Variants in MINDY2 observed in about 807,000 individuals in gnomAD.
MINDY2 encodes MINDY lysine 48 deubiquitinase 2.
Under a neutral mutation model 68.2 loss-of-function variants are expected in MINDY2, and 52 were observed. The observed-to-expected ratio is 0.76, with a 90% confidence interval of 0.61 to 0.96. The LOEUF (loss-of-function observed/expected upper bound fraction) is 0.96, where lower values mean the gene tolerates loss of function less well. Ranked by LOEUF, MINDY2 falls within the 40% of genes least tolerant of loss-of-function variation. The probability of loss-of-function intolerance (pLI) is 0.00; values close to 1 mark genes in which losing one functional copy is unlikely to be tolerated. For missense variants in MINDY2, 881 were observed against 773.4 expected, an observed-to-expected ratio of 1.14 and a Z score of -1.65; for synonymous variants, 372 against 303.0, an observed-to-expected ratio of 1.23 and a Z score of -2.36.
chr15:58,837,672 T>G (rs569823462), intron 6 of MINDY2, among the ~76,000 whole-genome samples: 1 of 152,232 alleles, frequency 6.6e-6, no homozygotes, highest in Middle Eastern at 3.4e-3. Flanking sequence ...GGACATCTTA[T>G]GCATTCATAT....
At chr15:58,789,582 C>T (rs984489189) in intron 2 of MINDY2, among the ~76,000 whole-genome samples, 11 of 151,948 alleles carry the variant, frequency 7.2e-5, no homozygotes. Context: ...CTCAGCCTCC[C>T]GAGTAACTGG....
At chr15:58,774,090 A>G (rs543496787) in intron 1 of MINDY2, among the ~76,000 whole-genome samples, 2 of 152,284 alleles carry the variant, frequency 1.3e-5, no homozygotes, top group African/African-American at 4.8e-5. Context: ...GGTGTGGAGT[A>G]TTTGGGGATA....
At chr15:58,837,947 TGA>T (rs2032078480) in intron 6 of MINDY2, among the ~76,000 whole-genome samples, 1 of 124,786 alleles carries the variant, frequency 8.0e-6, no homozygotes, top group African/African-American at 3.2e-5. Context: ...CCAACCTGGA[TGA>T]CAGAGTAAGA....
chr15:58,790,016 C>T lies in MINDY2; in HGVS notation c.898+2053C>T, dbSNP rs142323296. 3.2e-3 allele frequency among the ~76,000 whole-genome samples: 489 copies of T among 151,230 alleles called. 2 individuals are homozygous for T. Among genetic ancestry groups the T allele is most frequent in the African/African-American group, 0.011 (464 of 41,232 alleles). On this transcript the variant is annotated intron_variant, in intron 2 of 8. Coordinates refer to ENST00000559228, the MANE Select transcript of MINDY2 (RefSeq NM_001040450.3). ...CTTGTCTTGAACTCCTGGGCTCAAG[C>T]GATCCTCCCACCTTGGCCTCCCAAA...
chr15:58,813,216 C>T (rs1043126379), intron 4 of MINDY2, among the ~76,000 whole-genome samples: 4 of 152,008 alleles, frequency 2.6e-5, no homozygotes, highest in East Asian at 1.9e-4. Context: ...GTTTTCCCGC[C>T]GGGCACGGTG....
chr15:58,849,349 C>T (rs1395059551), intron 7 of MINDY2, among the ~76,000 whole-genome samples: 2 of 151,328 alleles, frequency 1.3e-5, no homozygotes, highest in Non-Finnish European at 2.9e-5. Flanking sequence ...TAGAAAAATG[C>T]AAAAAATTAG....
chr15:58,772,626 C>A (rs578041309), intron 1 of MINDY2, among the ~76,000 whole-genome samples: 4 of 152,116 alleles, frequency 2.6e-5, no homozygotes, highest in Non-Finnish European at 5.9e-5. Context: ...ACCATCAATC[C>A]GTGATATCAT....
intron 5 of MINDY2, 85 bp from the exon 6 acceptor site, chr15:58,831,689 C>A: frequency 7.9e-7 from 1 of 1,267,266 alleles, no homozygotes; most frequent in Admixed American, 2.4e-5. Context: ...TTTTTCCATA[C>A]TTGGAACACA....
Position 58,771,415 on chromosome 15 carries a change from G to A in MINDY2, c.20G>A (p.Ser7Asn), listed in dbSNP as rs752096657. Residue 7 changes from serine to asparagine, a missense_variant, in exon 1 of 9, where the codon AGC becomes AAC. Ser to Asn is a conservative substitution (Grantham distance 46, BLOSUM62 1). Transcript: ENST00000559228. MESSPE[S>N]LQPLEHGVAA... The stretch of plus-strand genomic sequence containing the variant: ...CCCGGTATGGAGAGCAGCCCCGAGA[G>A]CCTGCAGCCGCTAGAACACGGGGTG... 1.9e-6 allele frequency: 3 copies of A among 1,610,922 alleles called. No individual in the cohort carries two copies. In the Admixed American group the frequency reaches 5.0e-5, roughly 27 times the overall value.
At chr15:58,791,664 G>GTGTGTGTGTGTA (rs1901946977) in intron 2 of MINDY2, among the ~76,000 whole-genome samples, 3 of 139,878 alleles carry the variant, frequency 2.1e-5, no homozygotes, top group African/African-American at 2.7e-5. Flanking sequence ...GTGTGTGTAT[G>GTGTGTGTGTGTA]TGTGTGTGTG....
chr15:58,795,920 G>C (rs1902252469), intron 2 of MINDY2, among the ~76,000 whole-genome samples: 1 of 152,144 alleles, frequency 6.6e-6, no homozygotes, highest in African/African-American at 2.4e-5. Context: ...GGCCAGTACA[G>C]AGTGGTAGAA....
chr15:58,814,643 C>T (rs2030552535), intron 4 of MINDY2, among the ~76,000 whole-genome samples: 1 of 151,848 alleles, frequency 6.6e-6, no homozygotes, highest in African/African-American at 2.4e-5. Flanking sequence ...AAGTGTGAGA[C>T]TACGGCTGTG....
At chr15:58,843,058 A>G (rs2032356964) in intron 6 of MINDY2, among the ~76,000 whole-genome samples, 1 of 152,228 alleles carries the variant, frequency 6.6e-6, no homozygotes, top group South Asian at 2.1e-4. Context: ...AGAAATGTAT[A>G]AATTTTCAAA....
At position 58,794,921 on chromosome 15, in the gene MINDY2, C is replaced by G. The variant is rs1902179270; in HGVS notation, c.898+6958C>G. 2.6e-5 allele frequency among the ~76,000 whole-genome samples: 4 copies of G among 151,970 alleles called. No individual in the cohort carries two copies. The South Asian group carries it at 8.3e-4, about 32-fold the overall frequency. ...GTGGAAGTTGGGCCGGGCGCAGTGG[C>G]TCACGGCTGTAATCTCAGTACTTTG... On this transcript the variant is annotated intron_variant, in intron 2 of 8. Transcript: ENST00000559228.
intron 1 of MINDY2, among the ~76,000 whole-genome samples, chr15:58,787,426 A>G (rs1901579244): frequency 6.6e-6 from 1 of 152,008 alleles, no homozygotes; most frequent in Non-Finnish European, 1.5e-5. Flanking sequence ...CAACCTAATA[A>G]ATAGAATAAT....
chr15:58,850,976 T>G (rs2032781714), intron 7 of MINDY2, among the ~76,000 whole-genome samples: 1 of 152,090 alleles, frequency 6.6e-6, no homozygotes, highest in South Asian at 2.1e-4. Context: ...TTCCCCCAAT[T>G]TTTTGTTTTT....
At position 58,847,282 on chromosome 15, in the gene MINDY2, T is replaced by C; in HGVS notation, c.1369-15T>C. On this transcript the variant is annotated splice_polypyrimidine_tract_variant and intron_variant, in intron 6 of 8. Transcript: ENST00000559228. ...CAATTTAACAGTCCTTTTTCTTTTG[T>C]TACTTCTTATTAAGGGTCAACTGTA... 1 of 1,532,378 alleles carries C rather than the reference T, an allele frequency of 6.5e-7. No homozygotes were observed. The highest frequency in any genetic ancestry group is 8.8e-7 in the Non-Finnish European group (1 of 1,130,770). The allele number at this position is 1,532,378 out of a possible 1,614,324, so 94.9% of individuals were successfully genotyped here. A position where few individuals can be genotyped will look rare whatever the true frequency, so the allele number is the denominator to read the frequency against.
In MINDY2 at chr15:58,816,701, A is replaced by G. The variant is rs139323881; in HGVS notation, c.1123-5016A>G. ...ATGGGGAAAGGCAATCCTTTAAACA[A>G]AAGGTTCTAAGACAATTAGGTAGAC... On this transcript the variant is annotated intron_variant, in intron 4 of 8. Transcript: ENST00000559228. Among the ~76,000 whole-genome samples, 761 of 152,350 alleles carry G rather than the reference A, an allele frequency of 5.0e-3. 8 individuals carry two copies. Among genetic ancestry groups the G allele is most frequent in the African/African-American group, 0.017 (727 of 41,588 alleles).
chr15:58,849,034 AC>A (rs1397795452), intron 7 of MINDY2, among the ~76,000 whole-genome samples: 1 of 152,002 alleles, frequency 6.6e-6, no homozygotes, highest in Non-Finnish European at 1.5e-5. Context: ...ACATGGCGAA[AC>A]CCTGTCTCTA....
Sources: allele counts gnomAD v4.1 joint callset (sites outside exome capture counted in the v4.1 genomes callset), GRCh38; gene constraint gnomAD v4.1.1; transcripts MANE v1.5; gene names NCBI Gene and HGNC (gene_info 2026-07-23, HGNC 2026-07-21).